The following CADM2 variants were observed in gnomAD, a reference collection of about 807,000 sequenced individuals.
CADM2 encodes immunoglobulin superfamily member 4D.
In CADM2, 12 loss-of-function variants were observed where a neutral mutation model predicts 49.8. The observed-to-expected ratio is 0.24, with a 90% CI of 0.15 to 0.39. The LOEUF is 0.39. Ranked by LOEUF, CADM2 falls within the 10% of genes least tolerant of loss-of-function variation. The probability of loss-of-function intolerance (pLI) is 1.00; values close to 1 mark genes in which losing one functional copy is unlikely to be tolerated. For synonymous variants in CADM2, 214 were observed against 175.4 expected, an observed-to-expected ratio of 1.22 and a Z score of -1.74; for missense variants, 378 against 492.3, an observed-to-expected ratio of 0.77 and a Z score of 2.20.
Position 86,066,750 on chromosome 3 carries a change from C to G in CADM2, c.1182C>G (p.Val394=). ...TTATCAATGCTGAAGGCAGCCAAGT[C>G]AATGCTGAAGAGAAAAAAGAGTATT... ...TAIINAEGSQ[V]NAEEKKEYFI The change falls in exon 10 of 10, where the codon GTC becomes GTG. Residue 394 remains valine (V), a synonymous_variant. Transcript: ENST00000383699. 2 of 1,613,430 alleles carry G rather than the reference C, an allele frequency of 1.2e-6. No homozygotes were observed. The highest frequency in any genetic ancestry group is 2.7e-5 in the African/African-American group (2 of 75,036).
At chr3:85,755,232 C>T (rs899587224) in intron 2 of CADM2, among the ~76,000 whole-genome samples, 1 of 152,160 alleles carries the variant, frequency 6.6e-6, no homozygotes, top group Non-Finnish European at 1.5e-5. Flanking sequence ...TTCCCTCAAG[C>T]CTTTCCTCTC....
chr3:85,843,423 A>C (rs1450467744), intron 3 of CADM2, among the ~76,000 whole-genome samples: 1 of 149,726 alleles, frequency 6.7e-6, no homozygotes, highest in African/African-American at 2.5e-5. Flanking sequence ...TTTAGTGGAA[A>C]GTTACAATAG....
intron 7 of CADM2, among the ~76,000 whole-genome samples, chr3:85,948,473 A>T (rs999604073): frequency 4.0e-5 from 6 of 151,428 alleles, no homozygotes; most frequent in African/African-American, 1.5e-4. Flanking sequence ...TATACAAAGG[A>T]AATAAAATGT....
intron 5 of CADM2, among the ~76,000 whole-genome samples, chr3:85,906,314 A>C (rs1677244101): frequency 6.6e-6 from 1 of 151,786 alleles, no homozygotes; most frequent in Admixed American, 6.6e-5. Flanking sequence ...GCGAAATAAC[A>C]TTTAAGATAC....
intron 1 of CADM2, among the ~76,000 whole-genome samples, chr3:84,999,043 C>CA (rs1457620864): frequency 6.6e-6 from 1 of 152,096 alleles, no homozygotes; most frequent in Non-Finnish European, 1.5e-5. Context: ...CACAGATCCA[C>CA]AAAAATTACA....
At chr3:85,543,420 A>ATGTGTGTGGGGGGGGTGTGTGTGTGTG (rs372108050) in intron 1 of CADM2, among the ~76,000 whole-genome samples, 3 of 129,584 alleles carry the variant, frequency 2.3e-5, no homozygotes, top group Non-Finnish European at 5.0e-5. Context: ...TGCCAAGCTA[A>ATGTGTGTGGGGGGGGTGTGTGTGTGTG]TGTGTGTGTG....
intron 1 of CADM2, among the ~76,000 whole-genome samples, chr3:85,305,964 C>T (rs532322307): frequency 6.6e-6 from 1 of 151,796 alleles, no homozygotes; most frequent in East Asian, 1.9e-4. Flanking sequence ...ATCACAGAAG[C>T]TCTTGCCAAT....
chr3:85,909,066 A>C (rs1374258659), intron 5 of CADM2, among the ~76,000 whole-genome samples: 1 of 152,154 alleles, frequency 6.6e-6, no homozygotes, highest in Non-Finnish European at 1.5e-5. Context: ...ACATTGAAAT[A>C]AGCTAATCTT....
chr3:86,064,701 A>T (rs1739104701), intron 8 of CADM2, among the ~76,000 whole-genome samples: 1 of 152,188 alleles, frequency 6.6e-6, no homozygotes, highest in African/African-American at 2.4e-5. Flanking sequence ...AACCACAATG[A>T]TATACCACCT....
chr3:85,841,963 A>G (rs907689476), intron 3 of CADM2, among the ~76,000 whole-genome samples: 3 of 152,146 alleles, frequency 2.0e-5, no homozygotes, highest in Non-Finnish European at 4.4e-5. Flanking sequence ...TCTGTCTTGT[A>G]ACTAATTTTA....
At chr3:85,038,037 T>C (rs1297763013) in intron 1 of CADM2, among the ~76,000 whole-genome samples, 1 of 152,180 alleles carries the variant, frequency 6.6e-6, no homozygotes, top group Non-Finnish European at 1.5e-5. Context: ...AAAAGTTTTT[T>C]AAAATAAGCA....
intron 1 of CADM2, among the ~76,000 whole-genome samples, chr3:85,202,078 GAA>G (rs57243426): frequency 0.13 from 10,429 of 79,658 alleles, 893 homozygotes; most frequent in African/African-American, 0.33. Flanking sequence ...GACTCTGTCT[GAA>G]AAAAAAAAAA....
intron 1 of CADM2, among the ~76,000 whole-genome samples, chr3:85,430,955 A>G (rs1260463384): frequency 1.3e-5 from 2 of 152,188 alleles, no homozygotes; most frequent in African/African-American, 4.8e-5. Flanking sequence ...ATTATTTAAT[A>G]AGGTTAACAA....
intron 1 of CADM2, among the ~76,000 whole-genome samples, chr3:85,682,050 C>G (rs778979846): frequency 8.6e-5 from 13 of 152,038 alleles, no homozygotes; most frequent in Non-Finnish European, 1.3e-4. Flanking sequence ...TTCACAGCTT[C>G]ATTTGTCATG....
chr3:85,890,458 T>G (rs1380086905), intron 5 of CADM2, among the ~76,000 whole-genome samples: 1 of 152,176 alleles, frequency 6.6e-6, no homozygotes, highest in Non-Finnish European at 1.5e-5. Flanking sequence ...GTCTCATACC[T>G]GTGAAGAAAA....
At chr3:85,750,167 C>A (rs932571217) in intron 2 of CADM2, among the ~76,000 whole-genome samples, 3 of 151,782 alleles carry the variant, frequency 2.0e-5, no homozygotes, top group African/African-American at 7.2e-5. Flanking sequence ...AAAGTTCAAC[C>A]TTTGATCATG....
chr3:85,701,859 AGATAGATAGAT>A (rs1030319154), intron 1 of CADM2, among the ~76,000 whole-genome samples: 4 of 12,808 alleles, frequency 3.1e-4, no homozygotes, highest in Non-Finnish European at 3.5e-4. Context: ...CTGTTGTAAA[AGATAGATAGAT>A]AGATAGATAG....
intron 7 of CADM2, among the ~76,000 whole-genome samples, chr3:85,957,756 A>C (rs186147948): frequency 1.1e-4 from 16 of 151,878 alleles, no homozygotes; most frequent in Admixed American, 8.6e-4. Flanking sequence ...GGGTGTTGTT[A>C]ATTTGGTGGG....
chr3:85,078,205 TC>T (rs1273639380), intron 1 of CADM2, among the ~76,000 whole-genome samples: 1 of 151,982 alleles, frequency 6.6e-6, no homozygotes, highest in African/African-American at 2.4e-5. Context: ...CTTTAAATGA[TC>T]CTATTTTTAA....
Sources: allele counts gnomAD v4.1 joint callset (sites outside exome capture counted in the v4.1 genomes callset), GRCh38; gene constraint gnomAD v4.1.1; transcripts MANE v1.5; gene names NCBI Gene and HGNC (gene_info 2026-07-23, HGNC 2026-07-21).